The following CHD1 variants were observed in gnomAD, a reference collection of about 807,000 sequenced individuals.
CHD1 encodes ATP-dependent chromatin remodeler CHD1.
In CHD1, 36 loss-of-function variants were observed where a neutral mutation model predicts 224.2. The ratio of observed to expected loss-of-function variants is 0.16; its 90% CI spans 0.12 to 0.21. The LOEUF is 0.21. Among genes scored for constraint, CHD1 ranks in the 10% least tolerant of loss-of-function variants. CHD1 has a pLI of 1.00. For missense variants in CHD1, 1,378 were observed against 1,994.8 expected (o/e 0.69, Z 5.89); for synonymous variants, 668 against 658.3 (o/e 1.01, Z -0.23).
Position 98,885,585 on chromosome 5 carries a change from C to A in CHD1, c.2561G>T (p.Gly854Val), listed in dbSNP as rs1750595204. Residue 854 changes from glycine to valine, a missense_variant, in exon 18 of 36, where the codon GGA becomes GTA. Transcript: ENST00000614616. ...AAAAGCACTAATACATACCTCTGAT[C>A]CCTCAGCATTAAAATGATCTAGAGC... ...KQALDHFNAEGSEDFCFLLST... is the reference protein window; with the variant it reads ...KQALDHFNAEVSEDFCFLLST... The A allele has an allele frequency of 1.3e-6, 2 of 1,586,116 alleles. No individual in the cohort carries two copies. The highest frequency in any genetic ancestry group is 1.4e-5 in the African/African-American group (1 of 73,870).
chr5:98,881,251 CCTTTTT>C, intron 21 of CHD1, 22 bp downstream of exon 21: 1 of 988,194 alleles, frequency 1.0e-6, no homozygotes, highest in African/African-American at 1.8e-5. Flanking sequence ...CTGAGGCAGG[CCTTTTT>C]TTTTTTTTTT....
chr5:98,911,053 C>A (rs1055904308), intron 2 of CHD1, among the ~76,000 whole-genome samples: 3 of 148,170 alleles, frequency 2.0e-5, no homozygotes, highest in Non-Finnish European at 3.0e-5. Flanking sequence ...AACTACAGCT[C>A]CTTTGAGAAA....
At position 98,926,204 on chromosome 5, in the gene CHD1, T is replaced by G. The variant is rs974721177; in HGVS notation, c.53+130A>C. On this transcript the variant is annotated intron_variant, in intron 2 of 35. Coordinates refer to ENST00000614616, the MANE Select transcript of CHD1 (RefSeq NM_001270.4). The stretch of plus-strand genomic sequence containing the variant: ...TATCAGAATTTTTTTAGTATTTGGA[T>G]AGCTAAGAGGAAAACCTGAAAACTC... The G allele has an allele frequency of 9.0e-6, 5 of 555,628 alleles. No individual in the cohort carries two copies. The East Asian group carries it at 1.0e-4, about 11-fold the overall frequency. The allele number at this position is 555,628 out of a possible 1,614,324, so 34.4% of individuals were successfully genotyped here. A position where few individuals can be genotyped will look rare whatever the true frequency, so the allele number is the denominator to read the frequency against.
Position 98,856,544 on chromosome 5 carries a change from C to T in CHD1, c.4969G>A (p.Asp1657Asn). 2 of 1,613,820 alleles carry T rather than the reference C, an allele frequency of 1.2e-6. No homozygotes were observed. Among genetic ancestry groups the T allele is most frequent in the Non-Finnish European group, 1.7e-6 (2 of 1,179,820 alleles). Residue 1657 changes from aspartate (D) to asparagine (N), a missense_variant, in exon 36 of 36, where the codon GAT becomes AAT. Asp to Asn is a conservative substitution (Grantham distance 23). Coordinates refer to ENST00000614616, the MANE Select transcript of CHD1 (RefSeq NM_001270.4). ...TGCCAGTCTGAGTGATACCTATAATCCCTGGAAGATTTATGGTGCGTATAT... is the reference window on the plus strand; with the variant it reads ...TGCCAGTCTGAGTGATACCTATAATTCCTGGAAGATTTATGGTGCGTATAT... ...SEYTHHKSSR[D>N]YRYHSDWQMD...
chr5:98,927,193 C>T (rs998400967), intron 1 of CHD1, among the ~76,000 whole-genome samples: 4 of 152,056 alleles, frequency 2.6e-5, no homozygotes, highest in African/African-American at 9.7e-5. Flanking sequence ...ATAGAATATA[C>T]ACTATATCTG....
intron 24 of CHD1, 89 bp downstream of exon 24, chr5:98,876,309 T>C (rs1448854166): frequency 3.0e-6 from 4 of 1,339,342 alleles, no homozygotes; most frequent in African/African-American, 1.5e-5. Context: ...TAAAACTTCA[T>C]CACAATTTTT....
intron 19 of CHD1, 24 bp downstream of exon 19, chr5:98,883,063 TA>T: frequency 7.6e-7 from 1 of 1,321,696 alleles, no homozygotes; most frequent in Non-Finnish European, 1.0e-6. Flanking sequence ...AACAGCAATA[TA>T]ATATAAATTA....
Position 98,904,968 on chromosome 5 carries a change from A to G in CHD1, c.184T>C (p.Ser62Pro). 6.2e-7 allele frequency: 1 copy of G among 1,608,770 alleles called. No homozygotes were observed. The highest frequency in any genetic ancestry group is 8.5e-7 in the Non-Finnish European group (1 of 1,175,168). Residue 62 changes from serine (S) to proline (P), a missense_variant, in exon 3 of 36, where the codon TCA (serine) becomes CCA (proline). Transcript: ENST00000614616. The stretch of plus-strand genomic sequence containing the variant: ...CGGGAAGTGTCTGACTCAGACTCTG[A>G]CTGACTGCCTGATTCAGATCCGGAG... ...SDSGSESGSQ[S>P]ESESDTSREN...
At chr5:98,864,554 G>A (rs1056507443) in intron 31 of CHD1, among the ~76,000 whole-genome samples, 17 of 142,494 alleles carry the variant, frequency 1.2e-4, no homozygotes, top group African/African-American at 3.7e-4. Context: ...AATTAGCCAA[G>A]CATGGTGGCG....
At chr5:98,887,622 C>CT (rs1287941592) in intron 17 of CHD1, among the ~76,000 whole-genome samples, 1 of 152,038 alleles carries the variant, frequency 6.6e-6, no homozygotes, top group Non-Finnish European at 1.5e-5. Context: ...GAATTTTGGT[C>CT]TTTAGTTTCT....
chr5:98,900,699 G>A (rs1338832293), intron 7 of CHD1, 112 bp downstream of exon 7: 1 of 902,194 alleles, frequency 1.1e-6, no homozygotes, highest in East Asian at 2.6e-5. Context: ...TGATCCATCG[G>A]CCTCGGCCCC....
At chr5:98,907,036 T>A (rs1400945520) in intron 2 of CHD1, among the ~76,000 whole-genome samples, 1 of 152,234 alleles carries the variant, frequency 6.6e-6, no homozygotes, top group Non-Finnish European at 1.5e-5. Context: ...TGTGGGCCTG[T>A]AATTCTCATT....
intron 30 of CHD1, 192 bp downstream of exon 30, chr5:98,869,562 T>G (rs1749157422): frequency 1.6e-6 from 1 of 606,504 alleles, no homozygotes; most frequent in Non-Finnish European, 2.8e-6. Flanking sequence ...ACTGGACAGT[T>G]AGAATTCTGT....
chr5:98,913,220 CA>C (rs1752534600), intron 2 of CHD1, among the ~76,000 whole-genome samples: 1 of 152,116 alleles, frequency 6.6e-6, no homozygotes, highest in Admixed American at 6.5e-5. Flanking sequence ...CCTGTAATCC[CA>C]ACACTTTGGA....
Position 98,863,531 on chromosome 5 carries a change from T to G in CHD1, c.4304A>C (p.Glu1435Ala). The G allele has an allele frequency of 1.2e-6, 2 of 1,609,120 alleles. No homozygotes were observed. The highest frequency in any genetic ancestry group is 1.7e-6 in the Non-Finnish European group (2 of 1,178,288). Residue 1435 changes from glutamate (E) to alanine (A), a missense_variant, in exon 32 of 36, where the codon GAG becomes GCG. Around this residue, in one of 16 missense-constraint regions of CHD1, gnomAD observed 23 missense variants for 65.8 expected, o/e 0.35. Transcript: ENST00000614616. ...KAALKQLDRP[E>A]KGLSEREQLE... ...TTGTTCTCTTTCTGAAAGGCCTTTC[T>G]CAGGCCTATCAAGTTGTTTCAAAGC...
chr5:98,861,075 T>C (rs778643437), intron 32 of CHD1, among the ~76,000 whole-genome samples: 2 of 152,198 alleles, frequency 1.3e-5, no homozygotes, highest in Non-Finnish European at 2.9e-5. Flanking sequence ...CGAATGACTG[T>C]CTGATCTTGA....
intron 14 of CHD1, 68 bp downstream of exon 14, chr5:98,893,348 T>C (rs1219154317): frequency 9.6e-7 from 1 of 1,047,046 alleles, no homozygotes; most frequent in South Asian, 2.0e-5. Context: ...ACTGACCTTA[T>C]TACCTGGGTT....
intron 2 of CHD1, among the ~76,000 whole-genome samples, chr5:98,905,665 A>G (rs1752003561): frequency 6.6e-6 from 1 of 152,238 alleles, no homozygotes; most frequent in Non-Finnish European, 1.5e-5. Context: ...AAAAATCAGT[A>G]ACACTGCTTG....
chr5:98,881,251 CCTT>C (rs1447869931), intron 21 of CHD1, 25 bp downstream of exon 21: 2 of 988,194 alleles, frequency 2.0e-6, no homozygotes, highest in Non-Finnish European at 2.9e-6. Flanking sequence ...CTGAGGCAGG[CCTT>C]TTTTTTTTTT....
Sources: allele counts gnomAD v4.1 joint callset (sites outside exome capture counted in the v4.1 genomes callset), GRCh38; gene constraint gnomAD v4.1.1; regional missense constraint gnomAD v4.1.1; transcripts MANE v1.5; gene names NCBI Gene and HGNC (gene_info 2026-07-23, HGNC 2026-07-21).